The following PTPRT variants were observed in gnomAD, a reference collection of about 807,000 sequenced individuals.
The protein encoded by PTPRT is receptor-type tyrosine-protein phosphatase T.
Under a neutral mutation model 176.8 loss-of-function variants are expected in PTPRT, and 56 were observed. The ratio of observed to expected loss-of-function variants is 0.32; its 90% confidence interval spans 0.26 to 0.40. The LOEUF is 0.40. PTPRT is among the 10% of genes least tolerant of loss of function. PTPRT has a pLI of 1.00. For missense variants in PTPRT, 1,540 were observed against 1,908.2 expected (o/e 0.81, Z 3.60); for synonymous variants, 783 against 739.0 (o/e 1.06, Z -0.96).
intron 6 of PTPRT, among the ~76,000 whole-genome samples, chr20:42,748,095 T>C (rs2076716647): frequency 6.8e-6 from 1 of 147,592 alleles, no homozygotes; most frequent in Non-Finnish European, 1.5e-5. Context: ...GCTCATTCAT[T>C]TGCATATTTT....
In PTPRT at chr20:42,262,369, A is replaced by G. The variant is rs573361336; in HGVS notation, c.2177-13547T>C. 1.8e-4 allele frequency among the ~76,000 whole-genome samples: 27 copies of G among 152,232 alleles called. No homozygotes were observed. In the South Asian group the frequency reaches 5.4e-3, roughly 30 times the overall value. On this transcript the variant is annotated intron_variant, in intron 13 of 30. Transcript: ENST00000373187. The stretch of plus-strand genomic sequence containing the variant: ...GACAGGGTCTTCCCTATGACTGCCC[A>G]CGATTCCTGCCCCCAGCCCAACCTC...
At chr20:42,621,300 C>A (rs2074191755) in intron 7 of PTPRT, among the ~76,000 whole-genome samples, 1 of 152,210 alleles carries the variant, frequency 6.6e-6, no homozygotes, top group Non-Finnish European at 1.5e-5. Context: ...CCACTGGCTC[C>A]TTTCCATTAG....
At chr20:42,255,936 A>T (rs1346209365) in intron 13 of PTPRT, among the ~76,000 whole-genome samples, 1 of 152,216 alleles carries the variant, frequency 6.6e-6, no homozygotes, top group Non-Finnish European at 1.5e-5. Context: ...AGGGCATATT[A>T]TCCCCAGTGT....
intron 1 of PTPRT, among the ~76,000 whole-genome samples, chr20:43,124,384 T>C (rs147694273): frequency 1.3e-5 from 2 of 152,318 alleles, no homozygotes; most frequent in Non-Finnish European, 2.9e-5. Context: ...ATAAATTAGA[T>C]TCTGCACACA....
intron 27 of PTPRT, among the ~76,000 whole-genome samples, chr20:42,089,188 T>C (rs1984348798): frequency 6.6e-6 from 1 of 152,092 alleles, no homozygotes; most frequent in East Asian, 1.9e-4. Flanking sequence ...TGCTGAGCTG[T>C]GCAATGATGA....
chr20:42,766,610 A>G (rs2076986187), intron 5 of PTPRT, among the ~76,000 whole-genome samples: 1 of 152,124 alleles, frequency 6.6e-6, no homozygotes, highest in Admixed American at 6.5e-5. Context: ...ATCCAAAACC[A>G]CTTAAGGAAA....
chr20:43,149,546 C>T (rs2014275413), intron 1 of PTPRT, among the ~76,000 whole-genome samples: 1 of 152,226 alleles, frequency 6.6e-6, no homozygotes, highest in South Asian at 2.1e-4. Context: ...AGTGAGAAAA[C>T]TGGGCTGTGT....
chr20:42,560,293 T>C (rs1396344336), intron 7 of PTPRT, among the ~76,000 whole-genome samples: 3 of 152,160 alleles, frequency 2.0e-5, no homozygotes. Flanking sequence ...GATGGCGAGG[T>C]TGGGCAGTGA....
intron 1 of PTPRT, among the ~76,000 whole-genome samples, chr20:43,090,649 C>T (rs1413580408): frequency 3.3e-5 from 5 of 151,396 alleles, no homozygotes; most frequent in Admixed American, 6.6e-5. Flanking sequence ...CTAAAATGAA[C>T]GCCAAAGGAA....
rs1365638986 is a variant in PTPRT at position 42,676,975 on chromosome 20, G to A, written c.1153+891C>T. 3.3e-5 allele frequency among the ~76,000 whole-genome samples: 5 copies of A among 152,130 alleles called. 1 individual carries two copies. In the South Asian group the frequency reaches 1.0e-3, roughly 32 times the overall value. ...ATCTCAGCCAGCAAACTCTTACATG[G>A]CATCCAGGAATATCAGAGAGACAGG... On this transcript the variant is annotated intron_variant, in intron 7 of 30. Transcript: ENST00000373187.
intron 7 of PTPRT, among the ~76,000 whole-genome samples, chr20:42,613,957 A>G (rs1413173537): frequency 7.5e-6 from 1 of 132,486 alleles, no homozygotes; most frequent in Non-Finnish European, 1.5e-5. Context: ...TGAGTTTGCT[A>G]GAGCTGCTAT....
chr20:42,412,740 GTA>G (rs1186149507), intron 9 of PTPRT, among the ~76,000 whole-genome samples: 6 of 152,128 alleles, frequency 3.9e-5, no homozygotes, highest in Non-Finnish European at 8.8e-5. Context: ...AATACATGCA[GTA>G]GCGTGGCTAA....
intron 16 of PTPRT, among the ~76,000 whole-genome samples, chr20:42,189,626 T>A (rs1210331383): frequency 6.6e-6 from 1 of 152,170 alleles, no homozygotes; most frequent in East Asian, 1.9e-4. Flanking sequence ...AAATATTACA[T>A]AGAAGACAAA....
At position 42,102,114 on chromosome 20, in the gene PTPRT, C is replaced by G. The variant is rs777482269; in HGVS notation, c.3714+10G>C. 4.9e-5 allele frequency: 79 copies of G among 1,604,054 alleles called. No individual in the cohort carries two copies. Among genetic ancestry groups the G allele is most frequent in the Non-Finnish European group, 6.7e-5 (79 of 1,171,684 alleles). On this transcript the variant is annotated intron_variant, in intron 26 of 30. Transcript: ENST00000373187. ...GCCAGCTAGGAGCTTTCTGCCCGGG[C>G]TCGGCTTACATCCATCAGTGCTGCG...
intron 7 of PTPRT, 145 bp from the exon 8 acceptor site, chr20:42,472,707 A>G (rs999531112): frequency 1.2e-5 from 10 of 814,994 alleles, no homozygotes; most frequent in Non-Finnish European, 5.6e-6. Flanking sequence ...GACACAGGCA[A>G]TATAATTTAG....
At chr20:42,964,210 G>C (rs1386881423) in intron 1 of PTPRT, among the ~76,000 whole-genome samples, 2 of 152,090 alleles carry the variant, frequency 1.3e-5, no homozygotes, top group African/African-American at 4.8e-5. Context: ...AAAAGAAATT[G>C]TCTCACAGAC....
chr20:42,814,819 C>A (rs2077755701), intron 2 of PTPRT, among the ~76,000 whole-genome samples: 1 of 152,080 alleles, frequency 6.6e-6, no homozygotes, highest in South Asian at 2.1e-4. Flanking sequence ...AATCAGAAGG[C>A]CCCTATTTTG....
At chr20:42,581,075 CTTGCTGTTCT>C (rs1290468571) in intron 7 of PTPRT, among the ~76,000 whole-genome samples, 14 of 152,176 alleles carry the variant, frequency 9.2e-5, no homozygotes, top group African/African-American at 3.4e-4. Flanking sequence ...CCCTAGCTTC[CTTGCTGTTCT>C]TTGAACATTA....
chr20:42,217,089 C>G (rs896875537), intron 15 of PTPRT, among the ~76,000 whole-genome samples: 1 of 152,092 alleles, frequency 6.6e-6, no homozygotes, highest in Non-Finnish European at 1.5e-5. Flanking sequence ...AACATTACAT[C>G]CAGGCCAGGC....
Sources: gnomAD v4.1 joint callset for allele counts (sites outside exome capture counted in the v4.1 genomes callset) on GRCh38, gnomAD v4.1.1 for gene constraint, MANE v1.5 for transcripts, NCBI Gene and HGNC (gene_info 2026-07-23, HGNC 2026-07-21) for gene names.